The following AFF3 variants were observed in gnomAD, a reference collection of about 807,000 sequenced individuals.
AFF3 encodes ALF transcription elongation factor 3.
AFF3 carries 32 observed loss-of-function variants against 129.7 expected under a neutral mutation model. The observed-to-expected ratio is 0.25, with a 90% CI of 0.19 to 0.33. The LOEUF is 0.33. Ranked by LOEUF, AFF3 falls within the 10% of genes least tolerant of loss-of-function variation. The pLI is 1.00. For missense variants in AFF3, 1,373 were observed against 1,592.0 expected (o/e 0.86, Z 2.34); for synonymous variants, 644 against 635.4 (o/e 1.01, Z -0.20).
chr2:99,621,265 C>A (rs1391376085), intron 13 of AFF3, among the ~76,000 whole-genome samples: 1 of 152,222 alleles, frequency 6.6e-6, no homozygotes, highest in African/African-American at 2.4e-5. Flanking sequence ...TAACAAGCTG[C>A]CTGGGGTTTC....
chr2:99,583,429 C>T (rs944638094), intron 16 of AFF3, among the ~76,000 whole-genome samples: 3 of 152,216 alleles, frequency 2.0e-5, no homozygotes, highest in Non-Finnish European at 2.9e-5. Context: ...GCTGCCCAGG[C>T]TGGAGAGCAG....
intron 24 of AFF3, among the ~76,000 whole-genome samples, chr2:99,551,964 C>A (rs1470205292): frequency 6.6e-6 from 1 of 152,178 alleles, no homozygotes; most frequent in Non-Finnish European, 1.5e-5. Context: ...ATGCGCTGAG[C>A]CCCTGGAGTG....
chr2:100,029,988 G>GC (rs202146792), intron 4 of AFF3, among the ~76,000 whole-genome samples: 3,518 of 152,092 alleles, frequency 0.023, 134 homozygotes, highest in African/African-American at 0.079. Flanking sequence ...GATCACCTGA[G>GC]CCTGAGTGGT....
chr2:100,117,591 G>T (rs554582176), intron 2 of AFF3, among the ~76,000 whole-genome samples: 1 of 152,276 alleles, frequency 6.6e-6, no homozygotes, highest in African/African-American at 2.4e-5. Context: ...ACTCTTTTAC[G>T]TGGAGCGCAT....
chr2:99,746,923 T>C (rs1385906982), intron 9 of AFF3, among the ~76,000 whole-genome samples: 1 of 150,398 alleles, frequency 6.6e-6, no homozygotes. Flanking sequence ...AGAATGGTAA[T>C]TGACATAGTT....
chr2:99,560,870 T>G (rs1190606016), intron 20 of AFF3, among the ~76,000 whole-genome samples: 1 of 152,224 alleles, frequency 6.6e-6, no homozygotes. Context: ...TACCCCTCTT[T>G]CTTTGTTATG....
chr2:99,943,014 C>T (rs377679557), intron 7 of AFF3, among the ~76,000 whole-genome samples: 1 of 152,150 alleles, frequency 6.6e-6, no homozygotes, highest in African/African-American at 2.4e-5. Context: ...AGCAGCACTA[C>T]CACTTCAAAA....
chr2:99,639,998 C>A (rs771153952), intron 13 of AFF3, among the ~76,000 whole-genome samples: 1 of 151,954 alleles, frequency 6.6e-6, no homozygotes, highest in Non-Finnish European at 1.5e-5. Flanking sequence ...TGACTTTTTT[C>A]CGTGAGTAAA....
At chr2:99,794,430 C>A (rs1037035558) in intron 8 of AFF3, among the ~76,000 whole-genome samples, 1 of 152,022 alleles carries the variant, frequency 6.6e-6, no homozygotes, top group African/African-American at 2.4e-5. Flanking sequence ...ACTTAATGCT[C>A]TGGGTTGTTA....
chr2:100,090,339 G>T (rs1464163833), intron 4 of AFF3, among the ~76,000 whole-genome samples: 1 of 152,130 alleles, frequency 6.6e-6, no homozygotes, highest in Non-Finnish European at 1.5e-5. Context: ...TTGACCAGAT[G>T]TGGCAAACAG....
intron 18 of AFF3, among the ~76,000 whole-genome samples, chr2:99,575,643 T>C (rs1358965349): frequency 6.6e-6 from 1 of 152,180 alleles, no homozygotes; most frequent in African/African-American, 2.4e-5. Context: ...TGCATGTTTA[T>C]TTTACTGTTA....
At chr2:99,742,760 A>G (rs1680823334) in intron 10 of AFF3, among the ~76,000 whole-genome samples, 2 of 152,236 alleles carry the variant, frequency 1.3e-5, no homozygotes, top group South Asian at 4.1e-4. Context: ...TCATGTGAAC[A>G]CTGAGATCAT....
chr2:99,726,037 A>T (rs1397504589), intron 11 of AFF3, among the ~76,000 whole-genome samples: 1 of 152,218 alleles, frequency 6.6e-6, no homozygotes, highest in Non-Finnish European at 1.5e-5. Context: ...ACACAAAAAA[A>T]TTAAAAATTA....
chr2:100,126,864 G>A (rs969484976), intron 2 of AFF3, among the ~76,000 whole-genome samples: 4 of 152,104 alleles, frequency 2.6e-5, no homozygotes, highest in African/African-American at 9.7e-5. Flanking sequence ...ATTTATTTAA[G>A]TTCTTTCAAA....
chr2:100,059,246 T>G (rs920073466), intron 4 of AFF3, among the ~76,000 whole-genome samples: 22 of 104,826 alleles, frequency 2.1e-4, no homozygotes, highest in Non-Finnish European at 3.5e-4. Flanking sequence ...GAAGTGAGAC[T>G]CTGTCTCCAA....
chr2:100,095,413 G>A (rs1690203520), intron 4 of AFF3, among the ~76,000 whole-genome samples: 1 of 152,144 alleles, frequency 6.6e-6, no homozygotes. Flanking sequence ...AATGGACTAT[G>A]ACGTATTAAG....
intron 8 of AFF3, among the ~76,000 whole-genome samples, chr2:99,818,305 T>A (rs1687396655): frequency 6.6e-6 from 1 of 152,180 alleles, no homozygotes; most frequent in Non-Finnish European, 1.5e-5. Context: ...ATCATTAAAG[T>A]ACTTATTGAG....
chr2:99,592,170 C>T (rs1229274127), intron 15 of AFF3, among the ~76,000 whole-genome samples: 1 of 152,182 alleles, frequency 6.6e-6, no homozygotes, highest in Non-Finnish European at 1.5e-5. Flanking sequence ...GCACAAAAAC[C>T]TTCGAAATGG....
chr2:100,015,660 AC>A (rs1682953904), intron 4 of AFF3, among the ~76,000 whole-genome samples: 1 of 152,260 alleles, frequency 6.6e-6, no homozygotes, highest in Non-Finnish European at 1.5e-5. Flanking sequence ...GCTGAAGTGT[AC>A]TTGCAAATTC....
Sources: gnomAD v4.1 joint callset for allele counts (sites outside exome capture counted in the v4.1 genomes callset) on GRCh38, gnomAD v4.1.1 for gene constraint, MANE v1.5 for transcripts, NCBI Gene and HGNC (gene_info 2026-07-23, HGNC 2026-07-21) for gene names.